RALGAPB: variants seen among roughly 807,000 people sequenced by gnomAD.
The protein encoded by RALGAPB is Ral GTPase activating protein non-catalytic subunit beta, also known as ral GTPase-activating protein subunit beta.
RALGAPB carries 25 observed loss-of-function variants against 161.1 expected under a neutral mutation model. The observed-to-expected ratio is 0.16, with a 90% CI of 0.11 to 0.22. RALGAPB has a LOEUF of 0.22. RALGAPB is among the 10% of genes least tolerant of loss of function. RALGAPB has a pLI of 1.00. For missense variants in RALGAPB, 1,391 were observed against 1,815.2 expected (o/e 0.77, Z 4.25); for synonymous variants, 629 against 626.1 (o/e 1.00, Z -0.07).
chr20:38,556,381 G>A (rs1439028472), intron 22 of RALGAPB, among the ~76,000 whole-genome samples: 1 of 152,068 alleles, frequency 6.6e-6, no homozygotes, highest in Non-Finnish European at 1.5e-5. Context: ...TCAATGAAAT[G>A]TTAAACTAAG....
At chr20:38,540,003 A>G (rs747100698) in intron 17 of RALGAPB, 45 bp downstream of exon 17, 9 of 1,537,086 alleles carry the variant, frequency 5.9e-6, no homozygotes, top group South Asian at 2.4e-5. Context: ...ACAAAAATGT[A>G]TGCTAGCAAA....
chr20:38,490,157 A>G (rs1349009620), intron 2 of RALGAPB, among the ~76,000 whole-genome samples: 1 of 144,256 alleles, frequency 6.9e-6, no homozygotes, highest in Non-Finnish European at 1.5e-5. Flanking sequence ...CTACAGGCAC[A>G]TGCCACCATA....
chr20:38,508,140 T>C (rs1465350308), intron 5 of RALGAPB, among the ~76,000 whole-genome samples: 13 of 151,236 alleles, frequency 8.6e-5, no homozygotes, highest in Non-Finnish European at 1.8e-4. Flanking sequence ...ATTACATATA[T>C]AAATAGCTAT....
Position 38,519,166 on chromosome 20 carries a change from T to G in RALGAPB, c.1417+1166T>G, listed in dbSNP as rs76752999. On this transcript the variant is annotated intron_variant, in intron 9 of 29. Coordinates refer to ENST00000262879, the MANE Select transcript of RALGAPB (RefSeq NM_020336.4). ...TTTGCTTGCTTTATTTTGTTCAAAT[T>G]CAGACACTTTATATTCTTCCATTTT... Among the ~76,000 whole-genome samples the G allele has an allele frequency of 2.8e-4, 43 of 152,324 alleles. No individual in the cohort carries two copies. The East Asian group carries it at 7.9e-3, about 28-fold the overall frequency.
intron 19 of RALGAPB, 61 bp downstream of exon 19, chr20:38,546,491 G>A (rs2087168530): frequency 1.9e-6 from 3 of 1,595,642 alleles, no homozygotes; most frequent in Non-Finnish European, 1.7e-6. Context: ...GTACCATGAA[G>A]CTGTTTCCAG....
chr20:38,523,734 T>G (rs1157693877), intron 10 of RALGAPB, among the ~76,000 whole-genome samples: 2 of 152,118 alleles, frequency 1.3e-5, no homozygotes, highest in Non-Finnish European at 2.9e-5. Context: ...AAAATCAGGT[T>G]AGTAAAAGAG....
intron 24 of RALGAPB, among the ~76,000 whole-genome samples, chr20:38,563,196 A>G (rs2087850897): frequency 6.6e-6 from 1 of 152,236 alleles, no homozygotes. Flanking sequence ...ACACATAATG[A>G]TAGAGTTAAT....
rs377489589 is a variant in RALGAPB, at chr20:38,517,774, C to G, written c.1201-10C>G. On this transcript the variant is annotated splice_polypyrimidine_tract_variant and intron_variant, in intron 8 of 29. Transcript: ENST00000262879. Reference sequence around the variant, plus strand: ...ATTGGTATGGGTGTATTCTTGTGTTCGTCTAATAGGTTAGTACTGCTCATG... The same window carrying G: ...ATTGGTATGGGTGTATTCTTGTGTTGGTCTAATAGGTTAGTACTGCTCATG... The G allele has an allele frequency of 1.9e-6, 3 of 1,608,040 alleles. No individual in the cohort carries two copies. The highest frequency in any genetic ancestry group is 4.5e-5 in the East Asian group (2 of 44,834).
Position 38,574,862 on chromosome 20 carries a change from A to G in RALGAPB, c.4380A>G (p.Lys1460=). The G allele has an allele frequency of 1.2e-6, 2 of 1,613,706 alleles. No homozygotes were observed. The highest frequency in any genetic ancestry group is 1.1e-5 in the South Asian group (1 of 91,080). The change falls in exon 30 of 30, where the codon AAA becomes AAG. Residue 1460 remains lysine, a synonymous_variant. Transcript: ENST00000262879. The part of the protein sequence containing the change: ...DSYSPPHVRR[K]QKITDIVNKY... ...ACAGTCCCCCCCATGTCCGCCGGAAACAGAAAATCACCGACATTGTCAACA... is the reference window on the plus strand; with the variant it reads ...ACAGTCCCCCCCATGTCCGCCGGAAGCAGAAAATCACCGACATTGTCAACA...
At position 38,551,338 on chromosome 20, in the gene RALGAPB, G is replaced by T; in HGVS notation, c.3162+115G>T. ...GGAGATGATTTTTAAGATGACATGG[G>T]CCTCCATCATCCAGGAGGTTGCCAT... On this transcript the variant is annotated intron_variant, in intron 21 of 29. Coordinates refer to ENST00000262879, the MANE Select transcript of RALGAPB (RefSeq NM_020336.4). 4.2e-6 allele frequency: 5 copies of T among 1,194,442 alleles called. No homozygotes were observed. The South Asian group carries it at 7.2e-5, about 17-fold the overall frequency. The allele number at this position is 1,194,442 out of a possible 1,614,324, so 74.0% of individuals were successfully genotyped here.
chr20:38,493,089 G>C lies in RALGAPB; in HGVS notation c.346G>C (p.Val116Leu). ...LPVIKEPNQY[V>L]QTILKHLQNL... ...AGTTATTAAAGAGCCTAATCAATAT[G>C]TTCAAACTATACTAAAACACCTACA... The change falls in exon 3 of 30, where the codon GTT (valine) becomes CTT (leucine). Residue 116 changes from valine to leucine, a missense_variant. Coordinates refer to ENST00000262879, the MANE Select transcript of RALGAPB (RefSeq NM_020336.4). The C allele has an allele frequency of 6.2e-7, 1 of 1,611,572 alleles. No homozygotes were observed. Among genetic ancestry groups the C allele is most frequent in the Non-Finnish European group, 8.5e-7 (1 of 1,178,320 alleles).
chr20:38,555,016 C>G (rs774380835), intron 22 of RALGAPB, among the ~76,000 whole-genome samples: 1 of 152,010 alleles, frequency 6.6e-6, no homozygotes, highest in Admixed American at 6.6e-5. Flanking sequence ...CCTGAGAGTT[C>G]GAGGTTACAG....
chr20:38,570,774 T>A lies in RALGAPB; in HGVS notation c.4069T>A (p.Phe1357Ile). ...ATGCTATTATTTTCTTCCAGAAAACTTTCCCCTCTCAGAGCTGATGACAGA... is the reference window on the plus strand; with the variant it reads ...ATGCTATTATTTTCTTCCAGAAAACATTCCCCTCTCAGAGCTGATGACAGA... Reference protein sequence around the residue: ...WVERYDDIENFPLSELMTEIS... With the variant: ...WVERYDDIENIPLSELMTEIS... The change falls in exon 28 of 30, where the codon TTT (phenylalanine) becomes ATT (isoleucine). Residue 1357 changes from phenylalanine (F) to isoleucine (I), a missense_variant. Phe to Ile is a conservative substitution (Grantham distance 21). Around this residue, in one of 3 missense-constraint regions of RALGAPB, gnomAD observed 436 missense variants for 527.0 expected, o/e 0.83. Transcript: ENST00000262879. 6.3e-7 allele frequency: 1 copy of A among 1,597,350 alleles called. No individual in the cohort carries two copies. Among genetic ancestry groups the A allele is most frequent in the Non-Finnish European group, 8.6e-7 (1 of 1,166,692 alleles).
intron 5 of RALGAPB, among the ~76,000 whole-genome samples, chr20:38,506,900 G>A (rs2123007218): frequency 6.6e-6 from 1 of 152,196 alleles, no homozygotes; most frequent in East Asian, 1.9e-4. Flanking sequence ...TGAAGCTTTG[G>A]AATATTTTGT....
chr20:38,540,016 G>A, intron 17 of RALGAPB, 58 bp downstream of exon 17: 2 of 1,479,862 alleles, frequency 1.4e-6, no homozygotes, highest in Non-Finnish European at 1.8e-6. Flanking sequence ...CTAGCAAAAT[G>A]CCTTTTGAAA....
intron 5 of RALGAPB, among the ~76,000 whole-genome samples, chr20:38,500,198 T>C (rs1234006442): frequency 6.6e-6 from 1 of 152,164 alleles, no homozygotes; most frequent in Non-Finnish European, 1.5e-5. Context: ...CAAGCATACC[T>C]TGTTTTATTG....
chr20:38,553,795 A>AAC, intron 21 of RALGAPB, 72 bp from the exon 22 acceptor site: 8 of 898,748 alleles, frequency 8.9e-6, no homozygotes, highest in Admixed American at 5.9e-5. Context: ...AAAAAAAAAA[A>AAC]AAAAAACACT....
intron 5 of RALGAPB, among the ~76,000 whole-genome samples, chr20:38,507,662 G>A (rs1406715736): frequency 1.3e-5 from 2 of 151,854 alleles, no homozygotes; most frequent in East Asian, 3.9e-4. Context: ...TGGAGTGCAG[G>A]CGTGAGCCAC....
chr20:38,538,855 A>C (rs2086885256), intron 16 of RALGAPB, among the ~76,000 whole-genome samples: 2 of 152,226 alleles, frequency 1.3e-5, no homozygotes. Context: ...TTCCTTAAAA[A>C]GGTAAGCATA....
Sources: gnomAD v4.1 joint callset for allele counts (sites outside exome capture counted in the v4.1 genomes callset) on GRCh38, gnomAD v4.1.1 for gene constraint, gnomAD v4.1.1 regional missense constraint, MANE v1.5 for transcripts, NCBI Gene and HGNC (gene_info 2026-07-23, HGNC 2026-07-21) for gene names.